The following ST18 variants were observed in gnomAD, a reference collection of about 807,000 sequenced individuals.
ST18 encodes the protein ST18 C2H2C-type zinc finger transcription factor.
ST18 carries 50 observed loss-of-function variants against 110.0 expected under a neutral mutation model. The ratio of observed to expected loss-of-function variants is 0.45; its 90% confidence interval spans 0.36 to 0.58. The LOEUF is 0.58. Among genes scored for constraint, ST18 ranks in the 20% least tolerant of loss-of-function variants. The probability of loss-of-function intolerance (pLI) is 0.00; values close to 1 mark genes in which losing one functional copy is unlikely to be tolerated. For missense variants in ST18, 1,306 were observed against 1,280.1 expected (o/e 1.02, Z -0.31); for synonymous variants, 461 against 452.4 (o/e 1.02, Z -0.24).
rs759181977 is a variant in ST18, at chr8:52,113,196, T to C, written c.*2A>G. Reference sequence around the variant, plus strand: ...CTTCTGTTGCCCGGCAGCGCTGTGATCCTACACATGGATACCCTTCACTGC... The same window carrying C: ...CTTCTGTTGCCCGGCAGCGCTGTGACCCTACACATGGATACCCTTCACTGC... On this transcript the variant is annotated 3_prime_UTR_variant, in exon 26 of 26. Coordinates refer to ENST00000689386, the MANE Select transcript of ST18 (RefSeq NM_001352837.2). The C allele has an allele frequency of 1.2e-6, 2 of 1,613,874 alleles. No homozygotes were observed. The highest frequency in any genetic ancestry group is 1.7e-6 in the Non-Finnish European group (2 of 1,179,892).
chr8:52,123,645 A>G (rs1267037115), intron 23 of ST18, among the ~76,000 whole-genome samples: 1 of 152,248 alleles, frequency 6.6e-6, no homozygotes, highest in African/African-American at 2.4e-5. Context: ...GACACTTGTC[A>G]ATGGGTTCAA....
intron 2 of ST18, among the ~76,000 whole-genome samples, chr8:52,327,161 T>A (rs1336887846): frequency 1.3e-5 from 2 of 152,222 alleles, no homozygotes; most frequent in East Asian, 3.8e-4. Context: ...TCAGAGCAAT[T>A]ACCTACTGGT....
At chr8:52,184,681 TA>T (rs1352231041) in intron 8 of ST18, among the ~76,000 whole-genome samples, 1 of 152,212 alleles carries the variant, frequency 6.6e-6, no homozygotes, top group Non-Finnish European at 1.5e-5. Flanking sequence ...ACTTACCTAC[TA>T]TAGTAATAAA....
intron 2 of ST18, among the ~76,000 whole-genome samples, chr8:52,322,245 A>G (rs185161182): frequency 3.3e-5 from 5 of 152,332 alleles, no homozygotes; most frequent in East Asian, 1.9e-4. Context: ...AGTTTTTCCT[A>G]CAATTCTCAT....
At chr8:52,122,306 C>A (rs556859448) in intron 23 of ST18, among the ~76,000 whole-genome samples, 1 of 151,904 alleles carries the variant, frequency 6.6e-6, no homozygotes, top group South Asian at 2.1e-4. Context: ...ATTATATTTT[C>A]TTTGTATTCT....
chr8:52,270,911 G>T (rs1161887403), intron 2 of ST18, among the ~76,000 whole-genome samples: 9 of 144,778 alleles, frequency 6.2e-5, no homozygotes, highest in African/African-American at 1.8e-4. Context: ...TATAAGTTTT[G>T]TTTTTTTTTT....
At chr8:52,231,836 G>A (rs2091476812) in intron 2 of ST18, among the ~76,000 whole-genome samples, 1 of 152,200 alleles carries the variant, frequency 6.6e-6, no homozygotes, top group Non-Finnish European at 1.5e-5. Context: ...AAGGGTCCAG[G>A]TTCTCCTGCT....
intron 2 of ST18, chr8:52,249,367 C>T (rs770184864): frequency 6.6e-6 from 1 of 152,518 alleles, no homozygotes; most frequent in East Asian, 1.9e-4. Flanking sequence ...CCGGTGCCTC[C>T]TAGCCTTTGT....
At chr8:52,296,709 G>A (rs542753455) in intron 2 of ST18, 10 of 152,222 alleles carry the variant, frequency 6.6e-5, no homozygotes, top group African/African-American at 2.4e-4. Flanking sequence ...TACTATGTTT[G>A]TTAAGCTAAA....
intron 2 of ST18, among the ~76,000 whole-genome samples, chr8:52,392,749 T>C (rs1839734126): frequency 6.6e-6 from 1 of 152,230 alleles, no homozygotes; most frequent in Non-Finnish European, 1.5e-5. Context: ...TAGAGGTTTC[T>C]CATTGGTTAC....
intron 16 of ST18, among the ~76,000 whole-genome samples, chr8:52,144,259 A>G (rs1185618398): frequency 6.6e-6 from 1 of 152,152 alleles, no homozygotes; most frequent in African/African-American, 2.4e-5. Flanking sequence ...AACTAATAAA[A>G]AAAACTGTCT....
At chr8:52,313,807 A>G (rs918008265) in intron 2 of ST18, among the ~76,000 whole-genome samples, 1 of 152,150 alleles carries the variant, frequency 6.6e-6, no homozygotes, top group Non-Finnish European at 1.5e-5. Context: ...CTCCCGCAGC[A>G]ATGGGAGCTG....
intron 2 of ST18, among the ~76,000 whole-genome samples, chr8:52,267,496 A>AAC (rs1564371042): frequency 6.6e-6 from 1 of 151,134 alleles, no homozygotes; most frequent in Non-Finnish European, 1.5e-5. Context: ...AAAAAAAAAA[A>AAC]AAAAAAAACC....
rs751731593 is a variant in ST18, at chr8:52,149,981, G to A, written c.1807-4C>T. 6.2e-7 allele frequency: 1 copy of A among 1,611,212 alleles called. No homozygotes were observed. Among genetic ancestry groups the A allele is most frequent in the Admixed American group, 1.7e-5 (1 of 59,812 alleles). On this transcript the variant is annotated splice_polypyrimidine_tract_variant and splice_region_variant and intron_variant, in intron 15 of 25. Coordinates refer to ENST00000689386, the MANE Select transcript of ST18 (RefSeq NM_001352837.2). ...CATCCACTTCTATTTCGGCTCCCTG[G>A]TATACAATAGGAAACAGAAAAACAT...
chr8:52,330,307 G>T (rs1163705254), intron 2 of ST18, among the ~76,000 whole-genome samples: 1 of 152,138 alleles, frequency 6.6e-6, no homozygotes, highest in Non-Finnish European at 1.5e-5. Flanking sequence ...CCCTTTCGAG[G>T]CATTTTGCCA....
chr8:52,242,686 G>C (rs2093532798), intron 2 of ST18, among the ~76,000 whole-genome samples: 1 of 152,190 alleles, frequency 6.6e-6, no homozygotes, highest in Non-Finnish European at 1.5e-5. Context: ...TTTAGTAGAG[G>C]TTTAGTAGAA....
intron 2 of ST18, among the ~76,000 whole-genome samples, chr8:52,257,614 C>A (rs1045851523): frequency 1.3e-5 from 2 of 151,896 alleles, no homozygotes; most frequent in African/African-American, 4.8e-5. Context: ...AGCTTTTACC[C>A]AGTTTTAAGT....
At chr8:52,338,310 G>A (rs1294896388) in intron 2 of ST18, among the ~76,000 whole-genome samples, 3 of 151,840 alleles carry the variant, frequency 2.0e-5, no homozygotes, top group African/African-American at 7.3e-5. Flanking sequence ...CGCCCACCTC[G>A]GCCTCCCAAA....
intron 9 of ST18, 126 bp from the exon 10 acceptor site, chr8:52,172,709 A>G: frequency 1.6e-6 from 1 of 640,924 alleles, no homozygotes; most frequent in Non-Finnish European, 2.6e-6. Context: ...ACATATATGT[A>G]CACATATACA....
Sources: gnomAD v4.1 joint callset for allele counts (sites outside exome capture counted in the v4.1 genomes callset) on GRCh38, gnomAD v4.1.1 for gene constraint, MANE v1.5 for transcripts, NCBI Gene and HGNC (gene_info 2026-07-23, HGNC 2026-07-21) for gene names.